Variants in ADAMTS9 observed in about 807,000 individuals in gnomAD.
ADAMTS9 encodes ADAM metallopeptidase with thrombospondin type 1 motif 9.
A neutral mutation model predicts 257.1 loss-of-function variants in ADAMTS9; 107 were observed. The observed-to-expected ratio is 0.42, with a 90% CI of 0.36 to 0.49. The LOEUF (loss-of-function observed/expected upper bound fraction) is 0.49, where lower values mean the gene tolerates loss of function less well. ADAMTS9 is among the 20% of genes least tolerant of loss of function. The pLI is 0.03. For missense variants in ADAMTS9, 2,353 were observed against 2,469.1 expected (o/e 0.95, Z 1.00); for synonymous variants, 982 against 880.9 (o/e 1.11, Z -2.03).
In ADAMTS9 at chr3:64,622,327, C is replaced by T. The variant is rs906309886; in HGVS notation, c.2557G>A (p.Val853Ile). 14 of 1,613,468 alleles carry T rather than the reference C, an allele frequency of 8.7e-6. No homozygotes were observed. The highest frequency in any genetic ancestry group is 1.2e-5 in the Non-Finnish European group (14 of 1,179,860). ...DRIEQELLLQ[V>I]LSVGKLYNPD... The stretch of plus-strand genomic sequence containing the variant: ...TTGTACAACTTTCCCACCGACAAAA[C>T]CTAGAATGTGTGGACAAAACAGAAA... Residue 853 changes from valine (V) to isoleucine (I), a missense_variant and splice_region_variant, in exon 18 of 40, where the codon GTT becomes ATT. Transcript: ENST00000498707.
chr3:64,562,556 A>C (rs76823504), intron 29 of ADAMTS9, among the ~76,000 whole-genome samples: 1,679 of 152,278 alleles, frequency 0.011, 64 homozygotes, highest in East Asian at 0.079. Context: ...GCCAAGAATT[A>C]TTGTCTTGAT....
intron 38 of ADAMTS9, among the ~76,000 whole-genome samples, chr3:64,530,961 G>A (rs1030665333): frequency 6.6e-5 from 10 of 152,156 alleles, no homozygotes; most frequent in Non-Finnish European, 1.5e-5. Flanking sequence ...ATAGATTTTG[G>A]AGGGAAGGAA....
At chr3:64,521,869 A>C (rs1162371998) in intron 39 of ADAMTS9, among the ~76,000 whole-genome samples, 3 of 152,208 alleles carry the variant, frequency 2.0e-5, no homozygotes, top group African/African-American at 7.2e-5. Flanking sequence ...CGAAGCCTAC[A>C]TCTCAACACA....
At chr3:64,632,070 A>G (rs1700379200) in intron 14 of ADAMTS9, 145 bp from the exon 15 acceptor site, 1 of 661,220 alleles carries the variant, frequency 1.5e-6, no homozygotes, top group Middle Eastern at 3.7e-4. Flanking sequence ...AACTGAAATT[A>G]TATACTGCCT....
At chr3:64,548,574 A>C (rs552210072) in intron 31 of ADAMTS9, among the ~76,000 whole-genome samples, 10 of 142,698 alleles carry the variant, frequency 7.0e-5, no homozygotes, top group Non-Finnish European at 1.1e-4. Context: ...CAGGAGCAAA[A>C]GTCGTCCCCT....
intron 16 of ADAMTS9, 118 bp from the exon 17 acceptor site, chr3:64,622,704 G>A: frequency 2.7e-6 from 3 of 1,103,438 alleles, no homozygotes; most frequent in Non-Finnish European, 3.9e-6. Context: ...GACTTTTGAG[G>A]CAGACAGGCA....
At chr3:64,593,316 G>A (rs58653291) in intron 28 of ADAMTS9, among the ~76,000 whole-genome samples, 3,798 of 152,228 alleles carry the variant, frequency 0.025, 154 homozygotes, top group African/African-American at 0.087. Context: ...CTCTTTAGCT[G>A]GTTTCAGGGA....
At position 64,528,464 on chromosome 3, in the gene ADAMTS9, G is replaced by T. The variant is rs181100123; in HGVS notation, c.5718+4702C>A. ...CCTCATGCAGATATCTAAGCAGAGT[G>T]AGGAGAAACTTTACGACCCCTAGCT... is the stretch of plus-strand genomic sequence containing the variant. On this transcript the variant is annotated intron_variant, in intron 38 of 39. Coordinates refer to ENST00000498707, the MANE Select transcript of ADAMTS9 (RefSeq NM_182920.2). Among the ~76,000 whole-genome samples, 384 of 152,246 alleles carry T rather than the reference G, an allele frequency of 2.5e-3. 1 individual carries two copies. Among genetic ancestry groups the T allele is most frequent in the Non-Finnish European group, 4.2e-3 (288 of 68,028 alleles).
chr3:64,541,802 A>T (rs776418463), intron 33 of ADAMTS9, 36 bp downstream of exon 33: 1 of 1,612,752 alleles, frequency 6.2e-7, no homozygotes, highest in Admixed American at 1.7e-5. Context: ...CCTGTTCTTC[A>T]TGCTAAAGAA....
intron 3 of ADAMTS9, among the ~76,000 whole-genome samples, chr3:64,661,463 A>T (rs1701220882): frequency 6.6e-6 from 1 of 152,210 alleles, no homozygotes; most frequent in East Asian, 1.9e-4. Context: ...AAGTGAGAAA[A>T]TTACCTGTAT....
rs11929626 is a variant in ADAMTS9, at chr3:64,679,625, A to C, written c.679+1576T>G. Among the ~76,000 whole-genome samples, 830 of 152,370 alleles carry C rather than the reference A, an allele frequency of 5.4e-3. 8 individuals are homozygous for C. Among genetic ancestry groups the C allele is most frequent in the African/African-American group, 0.019 (780 of 41,594 alleles). ...AGTGTCATTGGTCAATAAATTCATC[A>C]GTGAAAAAAATATTTCAGTGTCTTC... is the stretch of plus-strand genomic sequence containing the variant. On this transcript the variant is annotated intron_variant, in intron 3 of 39. Transcript: ENST00000498707.
chr3:64,593,008 A>T (rs1374076256), intron 28 of ADAMTS9, among the ~76,000 whole-genome samples: 5 of 152,182 alleles, frequency 3.3e-5, no homozygotes, highest in Admixed American at 6.5e-5. Flanking sequence ...AAAAATGTTC[A>T]TCTGGGGAAG....
chr3:64,546,963 AGG>A lies in ADAMTS9; in HGVS notation c.4870-13_4870-12del. The A allele has an allele frequency of 1.9e-6, 3 of 1,596,910 alleles. No homozygotes were observed. The highest frequency in any genetic ancestry group is 2.6e-6 in the Non-Finnish European group (3 of 1,171,496). On this transcript the variant is annotated splice_polypyrimidine_tract_variant and intron_variant, in intron 31 of 39. Transcript: ENST00000498707. ...ACAGGTCACTGAGCACTGCAAAGACAGGGATTGAGAGGAGAGGTTCGAGCAGT... is the reference window on the plus strand; with the variant it reads ...ACAGGTCACTGAGCACTGCAAAGACAGATTGAGAGGAGAGGTTCGAGCAGT...
Position 64,649,344 on chromosome 3 carries a change from G to A in ADAMTS9, c.1605+293C>T, listed in dbSNP as rs373395541. 1.2e-3 allele frequency among the ~76,000 whole-genome samples: 177 copies of A among 152,256 alleles called. 3 individuals carry two copies. The South Asian group carries it at 0.034, about 29-fold the overall frequency. Reference sequence around the variant, plus strand: ...GCTGAGCTCTGTAATTCCCAACTCCGTAACCTTGCTGCCTCTGAGCCTCAC... The same window carrying A: ...GCTGAGCTCTGTAATTCCCAACTCCATAACCTTGCTGCCTCTGAGCCTCAC... On this transcript the variant is annotated intron_variant, in intron 10 of 39. Transcript: ENST00000498707.
intron 23 of ADAMTS9, among the ~76,000 whole-genome samples, chr3:64,605,813 A>G (rs930862124): frequency 2.4e-4 from 37 of 152,348 alleles, no homozygotes; most frequent in African/African-American, 8.4e-4. Flanking sequence ...ATACACATAC[A>G]TATGTACATA....
At chr3:64,657,998 G>T (rs1701123629) in intron 4 of ADAMTS9, among the ~76,000 whole-genome samples, 1 of 152,172 alleles carries the variant, frequency 6.6e-6, no homozygotes, top group South Asian at 2.1e-4. Flanking sequence ...GCTATTTTTA[G>T]AAGTTCCACA....
At position 64,621,229 on chromosome 3, in the gene ADAMTS9, G is replaced by T; in HGVS notation, c.2698C>A (p.Arg900=). 1 of 1,612,746 alleles carries T rather than the reference G, an allele frequency of 6.2e-7. No individual in the cohort carries two copies. The highest frequency in any genetic ancestry group is 8.5e-7 in the Non-Finnish European group (1 of 1,179,608). The stretch of plus-strand genomic sequence containing the variant: ...GATTCCCTGGTGCAAACAAGTTTTC[G>T]TTTCCGTTCCCCTAAGCAGAAAGGG... ...CSKPCQGERK[R]KLVCTRESDQ... Residue 900 remains arginine (R), a synonymous_variant, in exon 19 of 40, where the codon CGA becomes AGA. Transcript: ENST00000498707.
chr3:64,669,731 A>G (rs1701439826), intron 3 of ADAMTS9, among the ~76,000 whole-genome samples: 1 of 152,156 alleles, frequency 6.6e-6, no homozygotes, highest in South Asian at 2.1e-4. Context: ...AGACAGAATA[A>G]CTCCAAAAGA....
At chr3:64,646,118 T>G (rs977144606) in intron 11 of ADAMTS9, among the ~76,000 whole-genome samples, 1 of 152,222 alleles carries the variant, frequency 6.6e-6, no homozygotes, top group Non-Finnish European at 1.5e-5. Context: ...GAAATAGACA[T>G]AGTGGGTGGA....
Sources: allele counts gnomAD v4.1 joint callset (sites outside exome capture counted in the v4.1 genomes callset), GRCh38; gene constraint gnomAD v4.1.1; transcripts MANE v1.5; gene names NCBI Gene and HGNC (gene_info 2026-07-23, HGNC 2026-07-21).